The following TENM3 variants were observed in gnomAD, a reference collection of about 807,000 sequenced individuals.
TENM3 encodes teneurin-3.
TENM3 carries 63 observed loss-of-function variants against 255.1 expected under a neutral mutation model. The observed-to-expected ratio is 0.25, with a 90% CI of 0.20 to 0.30. The LOEUF is 0.30. TENM3 is among the 10% of genes least tolerant of loss of function. The probability of loss-of-function intolerance (pLI) is 1.00; values close to 1 mark genes in which losing one functional copy is unlikely to be tolerated. For synonymous variants in TENM3, 1,306 were observed against 1,322.3 expected, an observed-to-expected ratio of 0.99 and a Z score of 0.27; for missense variants, 2,929 against 3,461.1, an observed-to-expected ratio of 0.85 and a Z score of 3.86.
chr4:182,013,833 A>G, the TENM3 span, among the ~76,000 whole-genome samples: 1 of 151,168 alleles, frequency 6.6e-6, no homozygotes, highest in Non-Finnish European at 1.5e-5. Context: ...GAACTATAGA[A>G]CTATAATTAT....
intron 3 of TENM3, among the ~76,000 whole-genome samples, chr4:182,496,486 A>C (rs186127815): frequency 6.6e-6 from 1 of 151,704 alleles, no homozygotes; most frequent in African/African-American, 2.4e-5. Context: ...GTCTTGGGTT[A>C]GTATTTGTTG....
At chr4:181,603,831 T>C in the TENM3 span, among the ~76,000 whole-genome samples, 5 of 147,404 alleles carry the variant, frequency 3.4e-5, no homozygotes, top group East Asian at 5.8e-4. Flanking sequence ...ATAAACTGCA[T>C]GAAAGAGGCT....
chr4:181,698,838 G>A, the TENM3 span, among the ~76,000 whole-genome samples: 25 of 152,234 alleles, frequency 1.6e-4, no homozygotes, highest in African/African-American at 5.5e-4. Flanking sequence ...ATGCAAAATT[G>A]TACATTGCTT....
chr4:181,719,161 G>C, the TENM3 span, among the ~76,000 whole-genome samples: 2 of 151,744 alleles, frequency 1.3e-5, no homozygotes, highest in Non-Finnish European at 2.9e-5. Context: ...AGCCGAGATC[G>C]CGCCACTGCA....
chr4:181,983,286 G>A, the TENM3 span, among the ~76,000 whole-genome samples: 3 of 152,204 alleles, frequency 2.0e-5, no homozygotes, highest in East Asian at 1.9e-4. Context: ...GAGCTCTCAC[G>A]TGAAAAATCT....
the TENM3 span, among the ~76,000 whole-genome samples, chr4:182,044,334 C>T: frequency 6.6e-6 from 1 of 152,164 alleles, no homozygotes; most frequent in Non-Finnish European, 1.5e-5. Flanking sequence ...CTTGAGTGTG[C>T]CTGTCCTGAT....
the TENM3 span, among the ~76,000 whole-genome samples, chr4:182,101,550 G>A: frequency 1.4e-3 from 210 of 152,114 alleles, no homozygotes; most frequent in African/African-American, 4.4e-3. Flanking sequence ...TTACTTATAC[G>A]TGGAATCTTA....
the TENM3 span, among the ~76,000 whole-genome samples, chr4:181,678,793 ATC>A: frequency 6.6e-6 from 1 of 150,476 alleles, no homozygotes; most frequent in Non-Finnish European, 1.5e-5. Context: ...TATCTATATC[ATC>A]TCTCTTAGGC....
At position 182,563,638 on chromosome 4, in the gene TENM3, G is replaced by A. The variant is rs564463783; in HGVS notation, c.512-37286G>A. On this transcript the variant is annotated intron_variant, in intron 3 of 27. Coordinates refer to ENST00000511685, the MANE Select transcript of TENM3 (RefSeq NM_001080477.4). ...ACAATACTATGATGTAGCAGGGGCA[G>A]TTACTATTAACTTGTATTTTAACAG... Among the ~76,000 whole-genome samples the A allele has an allele frequency of 5.3e-5, 8 of 152,250 alleles. No homozygotes were observed. The East Asian group carries it at 1.5e-3, about 29-fold the overall frequency.
the TENM3 span, among the ~76,000 whole-genome samples, chr4:181,885,867 A>G: frequency 6.6e-6 from 1 of 152,232 alleles, no homozygotes; most frequent in Admixed American, 6.5e-5. Context: ...AAACATTCAA[A>G]GAATAAACTT....
the TENM3 span, among the ~76,000 whole-genome samples, chr4:181,972,666 G>T: frequency 6.6e-6 from 1 of 152,146 alleles, no homozygotes; most frequent in Admixed American, 6.6e-5. Flanking sequence ...GACCTGGGCA[G>T]TATCTTTGAC....
At chr4:182,578,418 A>G (rs1027179537) in intron 3 of TENM3, among the ~76,000 whole-genome samples, 26 of 151,974 alleles carry the variant, frequency 1.7e-4, no homozygotes, top group African/African-American at 4.8e-4. Flanking sequence ...ACTTGCTACA[A>G]TGTAAGCTCT....
chr4:181,946,090 G>A, the TENM3 span, among the ~76,000 whole-genome samples: 854 of 152,114 alleles, frequency 5.6e-3, 9 homozygotes, highest in African/African-American at 0.019. Flanking sequence ...GAATGTCACC[G>A]ATTGAAGGAA....
Position 182,799,974 on chromosome 4 carries a change from A to G in TENM3, c.7723A>G (p.Ile2575Val), listed in dbSNP as rs775969105. The G allele has an allele frequency of 9.4e-6, 15 of 1,592,122 alleles. No individual in the cohort carries two copies. Among genetic ancestry groups the G allele is most frequent in the Non-Finnish European group, 1.2e-5 (14 of 1,170,164 alleles). The change falls in exon 28 of 28, where the codon ATC (isoleucine) becomes GTC (valine). Residue 2575 changes from isoleucine (I) to valine (V), a missense_variant. Ile to Val is a conservative substitution (Grantham distance 29). This residue lies in a region of TENM3 where 476 missense variants were observed against 480.1 expected (regional missense o/e 0.99). Transcript: ENST00000511685. This position sits in a 1 kb window ranked among gnomAD's most constrained non-coding sequence, Gnocchi z 4.2. ...CGGCCGCAAGGCGCTGGAGAACGGC[A>G]TCAACGTGACGGTGTCGCAGTCCAC... is the stretch of plus-strand genomic sequence containing the variant. The part of the protein sequence containing the change: ...TSGRKALENG[I>V]NVTVSQSTTV...
At chr4:182,603,646 G>T (rs1457252871) in intron 4 of TENM3, among the ~76,000 whole-genome samples, 1 of 151,654 alleles carries the variant, frequency 6.6e-6, no homozygotes, top group African/African-American at 2.4e-5. Flanking sequence ...TTTAGTTAAG[G>T]TTCCCTATTG....
chr4:182,315,454 A>G (rs1172279314), intron 1 of TENM3, among the ~76,000 whole-genome samples: 2 of 151,464 alleles, frequency 1.3e-5, no homozygotes, highest in African/African-American at 4.9e-5. Context: ...TTTAGCTTAC[A>G]TTATTTCCTG....
intron 3 of TENM3, among the ~76,000 whole-genome samples, chr4:182,549,799 C>A (rs1283978907): frequency 1.3e-5 from 2 of 152,090 alleles, no homozygotes; most frequent in African/African-American, 4.8e-5. Context: ...AACATTAGGG[C>A]ATTAAGGACA....
intron 2 of TENM3, among the ~76,000 whole-genome samples, chr4:182,333,326 G>A (rs535930495): frequency 6.6e-6 from 1 of 152,224 alleles, no homozygotes; most frequent in East Asian, 1.9e-4. Flanking sequence ...TTCAAAACAA[G>A]TATTTGCATT....
At chr4:181,705,263 C>T in the TENM3 span, among the ~76,000 whole-genome samples, 190 of 152,250 alleles carry the variant, frequency 1.2e-3, no homozygotes, top group East Asian at 5.2e-3. Context: ...TTAGCCATTA[C>T]GAAGAGTTTA....
Sources: gnomAD v4.1 joint callset for allele counts (sites outside exome capture counted in the v4.1 genomes callset) on GRCh38, gnomAD v4.1.1 for gene constraint, gnomAD v4.1.1 regional missense constraint, Gnocchi (gnomAD v3.1) non-coding constraint, MANE v1.5 for transcripts, NCBI Gene and HGNC (gene_info 2026-07-23, HGNC 2026-07-21) for gene names.